CLEC16A: variants seen among roughly 807,000 people sequenced by gnomAD.
CLEC16A encodes the protein protein CLEC16A.
Under a neutral mutation model 109.5 loss-of-function variants are expected in CLEC16A, and 51 were observed. The observed-to-expected ratio is 0.47, with a 90% CI of 0.37 to 0.59. CLEC16A has a LOEUF of 0.59. Among genes scored for constraint, CLEC16A ranks in the 20% least tolerant of loss-of-function variants. The pLI, the probability that CLEC16A is intolerant of heterozygous loss-of-function variation, is 0.00. For synonymous variants in CLEC16A, 673 were observed against 564.2 expected, an observed-to-expected ratio of 1.19 and a Z score of -2.73; for missense variants, 1,339 against 1,394.0, an observed-to-expected ratio of 0.96 and a Z score of 0.63.
chr16:11,148,317 G>A (rs550145933), intron 22 of CLEC16A, among the ~76,000 whole-genome samples: 1 of 152,318 alleles, frequency 6.6e-6, no homozygotes, highest in Admixed American at 6.5e-5. Context: ...AATGCCACAT[G>A]TTATGTCTTG....
At chr16:11,177,714 G>A (rs1014368885) in intron 23 of CLEC16A, among the ~76,000 whole-genome samples, 33 of 152,170 alleles carry the variant, frequency 2.2e-4, no homozygotes, top group African/African-American at 7.5e-4. Context: ...CCCCTGCCGG[G>A]AAGCTCGGGA....
chr16:11,041,371 A>G (rs530871093), intron 14 of CLEC16A: 12 of 152,366 alleles, frequency 7.9e-5, no homozygotes, highest in African/African-American at 2.6e-4. Context: ...GGCTTAAACA[A>G]TACAAGCAGA....
chr16:11,090,811 A>ATTTTTTT (rs71136616), intron 19 of CLEC16A, among the ~76,000 whole-genome samples: 2 of 80,682 alleles, frequency 2.5e-5, no homozygotes, highest in Non-Finnish European at 4.5e-5. Context: ...TACCCAGCTA[A>ATTTTTTT]TTTTTTTTTT....
At chr16:11,019,727 C>T (rs1269957903) in intron 11 of CLEC16A, among the ~76,000 whole-genome samples, 1 of 151,144 alleles carries the variant, frequency 6.6e-6, no homozygotes, top group Non-Finnish European at 1.5e-5. Flanking sequence ...TGAGATTGCG[C>T]CACTGCCCTC....
At chr16:11,122,532 C>T (rs1015716767) in intron 20 of CLEC16A, among the ~76,000 whole-genome samples, 1 of 152,058 alleles carries the variant, frequency 6.6e-6, no homozygotes, top group East Asian at 1.9e-4. Flanking sequence ...TTTACTATAC[C>T]AGACTCCCTG....
intron 19 of CLEC16A, among the ~76,000 whole-genome samples, chr16:11,076,984 C>T (rs1219626569): frequency 6.6e-6 from 1 of 152,190 alleles, no homozygotes; most frequent in Non-Finnish European, 1.5e-5. Flanking sequence ...AATCCTAAAT[C>T]CCCGTTAAAG....
chr16:10,973,093 TAGAC>T (rs1161469712), intron 7 of CLEC16A, 32 bp downstream of exon 7: 9 of 1,575,508 alleles, frequency 5.7e-6, no homozygotes, highest in Middle Eastern at 1.7e-4. Context: ...ACTCAGTAGA[TAGAC>T]AGGGTGGTTA....
At position 11,178,303 on chromosome 16, in the gene CLEC16A, A is replaced by G; in HGVS notation, c.2807-32A>G. The stretch of plus-strand genomic sequence containing the variant: ...GTGCGACGGGGTGTCTCAAGGGCTC[A>G]GTGTGTTTCCGGTTTTTCTCCCCCA... On this transcript the variant is annotated intron_variant, in intron 23 of 23. Transcript: ENST00000409790. This position sits in a 1 kb window ranked among gnomAD's most constrained non-coding sequence, Gnocchi z 6.5. 6.4e-7 allele frequency: 1 copy of G among 1,565,392 alleles called. No individual in the cohort carries two copies. Among genetic ancestry groups the G allele is most frequent in the Non-Finnish European group, 8.7e-7 (1 of 1,144,896 alleles).
rs377410280 is a variant in CLEC16A at position 11,149,501 on chromosome 16, A to G, written c.2642-16887A>G. On this transcript the variant is annotated intron_variant, in intron 22 of 23. Coordinates refer to ENST00000409790, the MANE Select transcript of CLEC16A (RefSeq NM_015226.3). Reference sequence around the variant, plus strand: ...TACATGAGTTGATTGTTGATTTTTGAAAAAATCAGGCTGGGCACAGTGGCT... The same window carrying G: ...TACATGAGTTGATTGTTGATTTTTGGAAAAATCAGGCTGGGCACAGTGGCT... Among the ~76,000 whole-genome samples, 276 of 152,072 alleles carry G rather than the reference A, an allele frequency of 1.8e-3. 2 individuals carry two copies. The highest frequency in any genetic ancestry group is 6.4e-3 in the African/African-American group (267 of 41,476).
chr16:11,010,016 A>T (rs947437166), intron 11 of CLEC16A, among the ~76,000 whole-genome samples: 1 of 152,110 alleles, frequency 6.6e-6, no homozygotes, highest in Non-Finnish European at 1.5e-5. Context: ...AGCCAGTCAC[A>T]GCGGTGTGTG....
intron 2 of CLEC16A, among the ~76,000 whole-genome samples, chr16:10,960,154 AAAAC>A (rs1257826533): frequency 1.3e-5 from 2 of 152,252 alleles, no homozygotes; most frequent in African/African-American, 2.4e-5. Context: ...TGAATTGGGC[AAAAC>A]TAAGAAACTG....
At chr16:11,037,666 A>G (rs2047097958) in intron 13 of CLEC16A, among the ~76,000 whole-genome samples, 1 of 152,132 alleles carries the variant, frequency 6.6e-6, no homozygotes, top group Non-Finnish European at 1.5e-5. Flanking sequence ...GCCCCATTCT[A>G]GAAGGAGCGA....
chr16:10,992,560 C>T (rs1250242075), intron 10 of CLEC16A, among the ~76,000 whole-genome samples: 3 of 89,552 alleles, frequency 3.4e-5, no homozygotes, highest in African/African-American at 5.4e-5. Context: ...AAAAAGATAA[C>T]ATTAAATGGT....
intron 1 of CLEC16A, among the ~76,000 whole-genome samples, chr16:10,948,136 G>A (rs559430014): frequency 7.2e-5 from 11 of 152,102 alleles, no homozygotes; most frequent in East Asian, 1.9e-4. Flanking sequence ...CTTGTGATCT[G>A]CCCTCCTTGA....
At chr16:11,120,838 A>C (rs58648897) in intron 20 of CLEC16A, 72 bp downstream of exon 20, 15 of 1,014,526 alleles carry the variant, frequency 1.5e-5, no homozygotes, top group South Asian at 1.4e-4. Context: ...ACACACACAC[A>C]CCACACACAA....
intron 21 of CLEC16A, among the ~76,000 whole-genome samples, chr16:11,125,260 A>T (rs2052722206): frequency 6.6e-6 from 1 of 152,092 alleles, no homozygotes; most frequent in East Asian, 1.9e-4. Flanking sequence ...AAGTGACTTA[A>T]ATCATTCAGC....
intron 19 of CLEC16A, among the ~76,000 whole-genome samples, chr16:11,110,762 T>C (rs2051532122): frequency 6.6e-6 from 1 of 152,114 alleles, no homozygotes; most frequent in Non-Finnish European, 1.5e-5. Context: ...GGTTAAGTGT[T>C]CTTCTTATAA....
intron 19 of CLEC16A, among the ~76,000 whole-genome samples, chr16:11,075,089 TC>T (rs1356320497): frequency 6.6e-6 from 1 of 152,164 alleles, no homozygotes; most frequent in Non-Finnish European, 1.5e-5. Flanking sequence ...AGACCCTATC[TC>T]AAGAAAAAAT....
chr16:11,166,479 C>T lies in CLEC16A; in HGVS notation c.2733C>T (p.Ser911=), dbSNP rs1359943094. ...CCGCCAGCGGGAGCCCCAGCGGCAGCGGGAGCACCAGCCACTGCGACTCTG... is the reference window on the plus strand; with the variant it reads ...CCGCCAGCGGGAGCCCCAGCGGCAGTGGGAGCACCAGCCACTGCGACTCTG... ...PPSASGSPSG[S]GSTSHCDSGG... is the part of the protein sequence containing the mutation. The change falls in exon 23 of 24, where the codon AGC becomes AGT. Residue 911 remains serine, a synonymous_variant. Transcript: ENST00000409790. 5 of 1,608,524 alleles carry T rather than the reference C, an allele frequency of 3.1e-6. No homozygotes were observed. The highest frequency in any genetic ancestry group is 1.7e-5 in the Admixed American group (1 of 59,960).
Sources: allele counts gnomAD v4.1 joint callset (sites outside exome capture counted in the v4.1 genomes callset), GRCh38; gene constraint gnomAD v4.1.1; non-coding constraint Gnocchi (gnomAD v3.1); transcripts MANE v1.5; gene names NCBI Gene and HGNC (gene_info 2026-07-23, HGNC 2026-07-21).